NLN: variants seen among roughly 807,000 people sequenced by gnomAD.
NLN encodes neurolysin.
NLN carries 64 observed loss-of-function variants against 79.9 expected under a neutral mutation model. That is an observed-to-expected ratio of 0.80 (90% CI 0.65 to 0.99). NLN has a LOEUF of 0.99. NLN is among the 50% of genes least tolerant of loss of function. The pLI, the probability that NLN is intolerant of heterozygous loss-of-function variation, is 0.00. For missense variants in NLN, 835 were observed against 858.7 expected (o/e 0.97, Z 0.34); for synonymous variants, 267 against 296.6 (o/e 0.90, Z 1.02).
chr5:65,779,775 C>T (rs957296764), intron 4 of NLN, among the ~76,000 whole-genome samples: 2 of 152,192 alleles, frequency 1.3e-5, no homozygotes, highest in Admixed American at 6.5e-5. Context: ...CACACAGATA[C>T]ACGTGGACAT....
chr5:65,819,664 A>G (rs1245936047), intron 12 of NLN, among the ~76,000 whole-genome samples: 1 of 152,202 alleles, frequency 6.6e-6, no homozygotes, highest in Non-Finnish European at 1.5e-5. Context: ...GAAAAATTTT[A>G]GCAGTTGTCT....
intron 3 of NLN, among the ~76,000 whole-genome samples, chr5:65,769,281 A>T (rs1480687213): frequency 1.3e-5 from 2 of 152,216 alleles, no homozygotes; most frequent in East Asian, 3.8e-4. Context: ...GGAGGTGGGG[A>T]TGGTTAATGG....
At chr5:65,749,144 G>A (rs168782) in intron 1 of NLN, among the ~76,000 whole-genome samples, 79,979 of 152,084 alleles carry the variant, frequency 0.53, 21,345 homozygotes, top group South Asian at 0.57. Flanking sequence ...CTGTGAGTCC[G>A]TTATACCTCT....
At chr5:65,774,914 G>A (rs146161689) in intron 3 of NLN, among the ~76,000 whole-genome samples, 294 of 151,786 alleles carry the variant, frequency 1.9e-3, no homozygotes, top group African/African-American at 6.8e-3. Flanking sequence ...TAGTAGAGAC[G>A]GGGTTTTGCT....
intron 3 of NLN, 143 bp downstream of exon 3, chr5:65,763,251 T>A: frequency 1.5e-6 from 1 of 661,302 alleles, no homozygotes; most frequent in Non-Finnish European, 2.5e-6. Context: ...TTATATAGTA[T>A]TACATAATGT....
In NLN at chr5:65,813,547, C is replaced by T. The variant is rs547627139; in HGVS notation, c.1980+1156C>T. 3.4e-4 allele frequency among the ~76,000 whole-genome samples: 51 copies of T among 152,212 alleles called. No homozygotes were observed. The South Asian group carries it at 0.011, about 32-fold the overall frequency. ...GACCCCAGTGTTCTCTGTGGTCCAACTCCATTCCCCTTATTGATTTCCCTC... is the reference window on the plus strand; with the variant it reads ...GACCCCAGTGTTCTCTGTGGTCCAATTCCATTCCCCTTATTGATTTCCCTC... On this transcript the variant is annotated intron_variant, in intron 12 of 12. Coordinates refer to ENST00000380985, the MANE Select transcript of NLN (RefSeq NM_020726.5).
At chr5:65,792,367 A>T in intron 8 of NLN, 87 bp from the exon 9 acceptor site, 1 of 779,822 alleles carries the variant, frequency 1.3e-6, no homozygotes, top group Non-Finnish European at 2.2e-6. Context: ...GGTAACAGAT[A>T]TGGCTTAATG....
chr5:65,722,433 T>G lies in NLN; in HGVS notation c.41+19T>G. 6.3e-7 allele frequency: 1 copy of G among 1,578,260 alleles called. No individual in the cohort carries two copies. The highest frequency in any genetic ancestry group is 8.6e-7 in the Non-Finnish European group (1 of 1,163,422). On this transcript the variant is annotated intron_variant, in intron 1 of 12. Transcript: ENST00000380985. ...TCCGCAGGTACCTCCAGCGCGCGGG[T>G]TAACCTTGGCCGTGGGCAGGGCGGG...
At chr5:65,725,404 T>C (rs2150730551) in intron 1 of NLN, among the ~76,000 whole-genome samples, 1 of 152,370 alleles carries the variant, frequency 6.6e-6, no homozygotes, top group South Asian at 2.1e-4. Flanking sequence ...ACTGTTACAT[T>C]AATATCCAAT....
intron 3 of NLN, among the ~76,000 whole-genome samples, chr5:65,768,171 C>T (rs933888811): frequency 1.3e-5 from 2 of 152,182 alleles, no homozygotes; most frequent in African/African-American, 4.8e-5. Context: ...ACCCTACTAT[C>T]CTAGTACCAA....
At chr5:65,814,445 C>A (rs1009187667) in intron 12 of NLN, among the ~76,000 whole-genome samples, 1 of 152,122 alleles carries the variant, frequency 6.6e-6, no homozygotes, top group African/African-American at 2.4e-5. Context: ...AAATATATGC[C>A]TCCTTCATCT....
At chr5:65,770,755 G>C (rs551860206) in intron 3 of NLN, among the ~76,000 whole-genome samples, 3 of 152,274 alleles carry the variant, frequency 2.0e-5, no homozygotes, top group African/African-American at 7.2e-5. Context: ...CCATCAGCAA[G>C]AAAATGGATC....
At chr5:65,781,475 G>A (rs1455437704) in intron 6 of NLN, 54 bp downstream of exon 6, 2 of 1,353,376 alleles carry the variant, frequency 1.5e-6, no homozygotes, top group Non-Finnish European at 2.1e-6. Context: ...TTAAGAAAAG[G>A]GTTTACTTTG....
intron 9 of NLN, among the ~76,000 whole-genome samples, chr5:65,798,006 GCT>G (rs1305091746): frequency 6.6e-6 from 1 of 152,180 alleles, no homozygotes; most frequent in Non-Finnish European, 1.5e-5. Context: ...TGGAGGATTA[GCT>G]GAAGAGCAAT....
intron 1 of NLN, among the ~76,000 whole-genome samples, chr5:65,724,636 G>C (rs768490927): frequency 8.6e-5 from 13 of 152,046 alleles, no homozygotes; most frequent in Non-Finnish European, 1.5e-4. Context: ...TCATAGGATA[G>C]TACTATGTTT....
chr5:65,786,313 A>T (rs1027562170), intron 7 of NLN, among the ~76,000 whole-genome samples: 17 of 152,222 alleles, frequency 1.1e-4, no homozygotes, highest in Non-Finnish European at 2.4e-4. Flanking sequence ...AACAAAAAAC[A>T]TTTAATATTC....
chr5:65,741,340 C>T (rs1758864775), intron 1 of NLN, among the ~76,000 whole-genome samples: 2 of 152,084 alleles, frequency 1.3e-5, no homozygotes, highest in South Asian at 4.1e-4. Context: ...TGCATTCAAT[C>T]TGTAGATCAC....
In NLN at chr5:65,823,224, G is replaced by A. The variant is rs966929050; in HGVS notation, c.*309G>A. ...ATAATCTAGATAATATGATATAAGA[G>A]GGCTAAGAATTTTTAAATTGAATCA... On this transcript the variant is annotated 3_prime_UTR_variant, in exon 13 of 13. Transcript: ENST00000380985. 1 of 215,212 alleles carries A rather than the reference G, an allele frequency of 4.6e-6. No homozygotes were observed. 13.3% of individuals were successfully genotyped at this position (215,212 alleles called of 1,614,324 possible). A position where few individuals can be genotyped will look rare whatever the true frequency, so the allele number is the denominator to read the frequency against.
chr5:65,801,995 G>C (rs1174914764), intron 9 of NLN, among the ~76,000 whole-genome samples: 2 of 152,172 alleles, frequency 1.3e-5, no homozygotes, highest in Non-Finnish European at 2.9e-5. Flanking sequence ...GTGGCTGATG[G>C]TGTGATTTGG....
Sources: gnomAD v4.1 joint callset for allele counts (sites outside exome capture counted in the v4.1 genomes callset) on GRCh38, gnomAD v4.1.1 for gene constraint, MANE v1.5 for transcripts, NCBI Gene and HGNC (gene_info 2026-07-23, HGNC 2026-07-21) for gene names.